Variants in HAVCR2 observed in about 807,000 individuals in gnomAD.
The protein encoded by HAVCR2 is T cell immunoglobulin mucin 3.
Under a neutral mutation model 24.7 loss-of-function variants are expected in HAVCR2, and 13 were observed. The ratio of observed to expected loss-of-function variants is 0.53; its 90% CI spans 0.34 to 0.84. HAVCR2 has a LOEUF of 0.84. HAVCR2 is among the 40% of genes least tolerant of loss of function. HAVCR2 has a pLI of 0.01. For missense variants in HAVCR2, 343 were observed against 371.2 expected (o/e 0.92, Z 0.62); for synonymous variants, 154 against 143.4 (o/e 1.07, Z -0.53).
intron 2 of HAVCR2, chr5:157,106,059 G>T (rs1390664386): frequency 6.6e-6 from 1 of 152,516 alleles, no homozygotes. Flanking sequence ...GAGAGTCAGG[G>T]TCTCTAACCA....
chr5:157,095,268 ATT>A (rs1009831782), intron 5 of HAVCR2, 36 bp downstream of exon 5: 7 of 1,606,086 alleles, frequency 4.4e-6, no homozygotes, highest in Non-Finnish European at 6.0e-6. Context: ...TCACTGAAGA[ATT>A]TGTTATCAGA....
chr5:157,088,251 T>C (rs528476994), intron 6 of HAVCR2, among the ~76,000 whole-genome samples: 8 of 152,350 alleles, frequency 5.3e-5, no homozygotes, highest in African/African-American at 7.2e-5. Flanking sequence ...ATTCCATTCA[T>C]GTGCCAAACA....
intron 6 of HAVCR2, among the ~76,000 whole-genome samples, chr5:157,088,498 T>C (rs1756948158): frequency 1.3e-5 from 2 of 152,184 alleles, no homozygotes; most frequent in Admixed American, 1.3e-4. Context: ...ATTAGTACAC[T>C]TCAGTGCCTG....
intron 1 of HAVCR2, among the ~76,000 whole-genome samples, chr5:157,107,667 T>G (rs1289782953): frequency 2.6e-5 from 4 of 152,138 alleles, no homozygotes; most frequent in African/African-American, 9.7e-5. Context: ...GGCTACAGGA[T>G]GAAAGGCTGC....
At chr5:157,102,778 T>C (rs1332196417) in intron 3 of HAVCR2, among the ~76,000 whole-genome samples, 1 of 151,414 alleles carries the variant, frequency 6.6e-6, no homozygotes, top group African/African-American at 2.4e-5. Flanking sequence ...CTAATAAAAA[T>C]ACAAAAATTA....
intron 6 of HAVCR2, 44 bp downstream of exon 6, chr5:157,088,897 T>C (rs755250423): frequency 6.5e-7 from 1 of 1,544,640 alleles, no homozygotes; most frequent in African/African-American, 1.4e-5. Flanking sequence ...AGTAGGGACT[T>C]CCAAGATTCT....
intron 4 of HAVCR2, among the ~76,000 whole-genome samples, chr5:157,097,081 T>C (rs573480224): frequency 2.6e-5 from 4 of 152,230 alleles, no homozygotes; most frequent in Admixed American, 6.6e-5. Flanking sequence ...AGGAGTCCTA[T>C]ATGCAAGATA....
intron 5 of HAVCR2, among the ~76,000 whole-genome samples, chr5:157,092,913 A>AAAAAAAAAAATAAAAAT (rs1561619880): frequency 8.1e-6 from 1 of 122,972 alleles, no homozygotes; most frequent in African/African-American, 3.1e-5. Context: ...AAAAAAAAAA[A>AAAAAAAAAAATAAAAAT]AAAAACTAGC....
intron 3 of HAVCR2, among the ~76,000 whole-genome samples, chr5:157,099,469 T>C (rs2113691120): frequency 6.6e-6 from 1 of 151,998 alleles, no homozygotes; most frequent in African/African-American, 2.4e-5. Flanking sequence ...CCAGGCTGGT[T>C]GTGAACTCCT....
rs560702571 is a variant in HAVCR2, at chr5:157,098,060, T to C, written c.522+798A>G. ...GCCAAGTTGGGCGGATCACCTGAGG[T>C]CAGGAGTTCAAGACCAGCCTGACCA... On this transcript the variant is annotated intron_variant, in intron 4 of 6. Coordinates refer to ENST00000307851, the MANE Select transcript of HAVCR2 (RefSeq NM_032782.5). Among the ~76,000 whole-genome samples the C allele has an allele frequency of 4.6e-5, 7 of 151,238 alleles. No homozygotes were observed. In the South Asian group the frequency reaches 1.5e-3, roughly 32 times the overall value.
chr5:157,091,809 G>T (rs1204627881), intron 5 of HAVCR2, among the ~76,000 whole-genome samples: 1 of 152,220 alleles, frequency 6.6e-6, no homozygotes, highest in Non-Finnish European at 1.5e-5. Flanking sequence ...TAGGAGAGGG[G>T]CAAAGAAGTT....
rs186522739 is a variant in HAVCR2 at position 157,090,333 on chromosome 5, C to T, written c.677-1356G>A. ...TTTTTGGGCTGGATGCAGTGGCTCACGCCTGTAATCCTAGCACTTTGGGAG... is the reference window on the plus strand; with the variant it reads ...TTTTTGGGCTGGATGCAGTGGCTCATGCCTGTAATCCTAGCACTTTGGGAG... On this transcript the variant is annotated intron_variant, in intron 5 of 6. Transcript: ENST00000307851. Among the ~76,000 whole-genome samples the T allele has an allele frequency of 1.8e-4, 27 of 151,796 alleles. No homozygotes were observed. In the East Asian group the frequency reaches 3.1e-3, roughly 17 times the overall value.
Position 157,087,176 on chromosome 5 carries a change from T to C in HAVCR2, c.832A>G (p.Asn278Asp), listed in dbSNP as rs1756925310. Reference protein sequence around the residue: ...EENVYEVEEPNEYYCYVSSRQ... With the variant: ...EENVYEVEEPDEYYCYVSSRQ... ...CTGCTGACATAGCAATAATACTCATTGGGCTCCTCCACTTCATATACGTTC... is the reference window on the plus strand; with the variant it reads ...CTGCTGACATAGCAATAATACTCATCGGGCTCCTCCACTTCATATACGTTC... The change falls in exon 7 of 7, where the codon AAT (asparagine) becomes GAT (aspartate). Residue 278 changes from asparagine to aspartate, a missense_variant. Physicochemically the swap from Asn to Asp is conservative, Grantham distance 23. Coordinates refer to ENST00000307851, the MANE Select transcript of HAVCR2 (RefSeq NM_032782.5). 10 of 1,614,004 alleles carry C rather than the reference T, an allele frequency of 6.2e-6. No homozygotes were observed. The highest frequency in any genetic ancestry group is 2.7e-5 in the African/African-American group (2 of 74,928).
intron 4 of HAVCR2, among the ~76,000 whole-genome samples, chr5:157,097,501 C>T (rs1428472857): frequency 6.6e-6 from 1 of 152,154 alleles, no homozygotes; most frequent in African/African-American, 2.4e-5. Context: ...CTCAAGCATT[C>T]CTTCCACCTT....
intron 5 of HAVCR2, 38 bp from the exon 6 acceptor site, chr5:157,089,015 C>T: frequency 6.4e-7 from 1 of 1,566,216 alleles, no homozygotes; most frequent in East Asian, 2.2e-5. Flanking sequence ...AAAATGCATT[C>T]ATAAAATAAA....
chr5:157,095,257 C>T (rs1443194378), intron 5 of HAVCR2, 49 bp downstream of exon 5: 1 of 1,597,312 alleles, frequency 6.3e-7, no homozygotes, highest in Non-Finnish European at 8.6e-7. Context: ...TTTACTGGTT[C>T]TCACTGAAGA....
chr5:157,094,476 C>G (rs1757063587), intron 5 of HAVCR2, among the ~76,000 whole-genome samples: 1 of 151,536 alleles, frequency 6.6e-6, no homozygotes, highest in Admixed American at 6.6e-5. Context: ...CTCCACCTAC[C>G]AGGTTTGAGT....
chr5:157,102,351 C>T (rs912238013), intron 3 of HAVCR2, among the ~76,000 whole-genome samples: 1 of 152,020 alleles, frequency 6.6e-6, no homozygotes, highest in Non-Finnish European at 1.5e-5. Flanking sequence ...TGGGATTACA[C>T]ATGTGAGCCA....
intron 5 of HAVCR2, among the ~76,000 whole-genome samples, chr5:157,093,040 C>G (rs1271755595): frequency 6.7e-6 from 1 of 149,400 alleles, no homozygotes; most frequent in Non-Finnish European, 1.5e-5. Context: ...TGTAGTCCAG[C>G]TCCCAGGTGA....
Sources: allele counts gnomAD v4.1 joint callset (sites outside exome capture counted in the v4.1 genomes callset), GRCh38; gene constraint gnomAD v4.1.1; transcripts MANE v1.5; gene names NCBI Gene and HGNC (gene_info 2026-07-23, HGNC 2026-07-21).